Variants in SCHIP1 observed in about 807,000 individuals in gnomAD.
The protein encoded by SCHIP1 is schwannomin interacting protein 1.
Under a neutral mutation model 29.7 loss-of-function variants are expected in SCHIP1, and 8 were observed. The ratio of observed to expected loss-of-function variants is 0.27; its 90% CI spans 0.16 to 0.49. The LOEUF (loss-of-function observed/expected upper bound fraction) is 0.49, where lower values mean the gene tolerates loss of function less well. Among genes scored for constraint, SCHIP1 ranks in the 20% least tolerant of loss-of-function variants. The pLI is 0.99. For missense variants in SCHIP1, 193 were observed against 294.6 expected (o/e 0.66, Z 2.52); for synonymous variants, 76 against 94.9 (o/e 0.80, Z 1.16).
the SCHIP1 span, among the ~76,000 whole-genome samples, chr3:159,735,617 G>T: frequency 2.6e-4 from 40 of 152,262 alleles, 1 homozygote; most frequent in African/African-American, 9.1e-4. Context: ...CACTTTCATT[G>T]TTTAGGTCAC....
chr3:159,394,166 T>C, the SCHIP1 span, among the ~76,000 whole-genome samples: 1 of 149,388 alleles, frequency 6.7e-6, no homozygotes, highest in African/African-American at 2.5e-5. Context: ...ATTGATTTTG[T>C]ATCCTGACAC....
the SCHIP1 span, among the ~76,000 whole-genome samples, chr3:159,596,122 T>A: frequency 2.0e-5 from 3 of 151,970 alleles, no homozygotes; most frequent in East Asian, 5.8e-4. Context: ...AACAACCCCA[T>A]CCAAAAGTGG....
chr3:159,553,627 T>C, the SCHIP1 span, among the ~76,000 whole-genome samples: 43 of 152,330 alleles, frequency 2.8e-4, no homozygotes, highest in Non-Finnish European at 4.7e-4. Context: ...ATCTCATAAA[T>C]AGAAACAGGG....
chr3:159,284,920 A>G, the SCHIP1 span, among the ~76,000 whole-genome samples: 1 of 152,188 alleles, frequency 6.6e-6, no homozygotes, highest in Non-Finnish European at 1.5e-5. Flanking sequence ...GTTCTAATTC[A>G]GTTGTGTTCT....
At chr3:159,514,021 GA>G in the SCHIP1 span, among the ~76,000 whole-genome samples, 7 of 152,168 alleles carry the variant, frequency 4.6e-5, no homozygotes, top group African/African-American at 1.7e-4. Flanking sequence ...TGCAAGACGT[GA>G]AATGAACCTG....
the SCHIP1 span, among the ~76,000 whole-genome samples, chr3:159,326,732 G>A: frequency 2.6e-5 from 4 of 152,148 alleles, no homozygotes; most frequent in African/African-American, 9.7e-5. Context: ...AAGGAGCTGA[G>A]AAACAAGGAG....
the SCHIP1 span, among the ~76,000 whole-genome samples, chr3:159,793,422 A>C: frequency 4.6e-5 from 7 of 152,160 alleles, no homozygotes; most frequent in Non-Finnish European, 1.0e-4. Context: ...TATTAGCTAT[A>C]TATTGTCCCA....
the SCHIP1 span, among the ~76,000 whole-genome samples, chr3:159,522,408 C>A: frequency 3.3e-5 from 5 of 152,242 alleles, no homozygotes; most frequent in East Asian, 9.6e-4. Flanking sequence ...ATTTACATGA[C>A]AAGTAAGAAA....
At chr3:159,323,439 G>T in the SCHIP1 span, among the ~76,000 whole-genome samples, 1 of 151,796 alleles carries the variant, frequency 6.6e-6, no homozygotes, top group South Asian at 2.1e-4. Flanking sequence ...AGAATTTGTG[G>T]GTTTTTTCTA....
chr3:159,468,767 A>ATG, the SCHIP1 span, among the ~76,000 whole-genome samples: 3 of 124,548 alleles, frequency 2.4e-5, no homozygotes, highest in Non-Finnish European at 3.3e-5. Context: ...ATATATATAT[A>ATG]TATATATATA....
the SCHIP1 span, among the ~76,000 whole-genome samples, chr3:159,334,431 A>T: frequency 6.6e-6 from 1 of 152,212 alleles, no homozygotes; most frequent in East Asian, 1.9e-4. Context: ...GTGATTTTTA[A>T]AAATTTAGAT....
the SCHIP1 span, among the ~76,000 whole-genome samples, chr3:159,510,684 A>C: frequency 3.6e-4 from 53 of 147,584 alleles, no homozygotes; most frequent in South Asian, 1.5e-3. Context: ...TTTCCTTCTA[A>C]CAGTCAGGAC....
At chr3:159,345,554 T>TCTCTCTCTCTC in the SCHIP1 span, among the ~76,000 whole-genome samples, 184 of 93,516 alleles carry the variant, frequency 2.0e-3, 1 homozygote, top group South Asian at 6.8e-3. Flanking sequence ...GTGTCTCTCT[T>TCTCTCTCTCTC]TCTCTCTCTC....
chr3:159,712,425 A>T, the SCHIP1 span, among the ~76,000 whole-genome samples: 1 of 152,342 alleles, frequency 6.6e-6, no homozygotes, highest in South Asian at 2.1e-4. Context: ...TGTCAAGAAA[A>T]TGCATCTGTG....
chr3:159,413,447 G>A, the SCHIP1 span, among the ~76,000 whole-genome samples: 1 of 152,058 alleles, frequency 6.6e-6, no homozygotes, highest in Admixed American at 6.6e-5. Flanking sequence ...ATAAGGCATA[G>A]CACTTAATCT....
chr3:159,275,225 G>T, the SCHIP1 span: 5 of 356,514 alleles, frequency 1.4e-5, no homozygotes, highest in Non-Finnish European at 2.0e-5. Flanking sequence ...GTAGATTTAT[G>T]ATTTCAGTTT....
chr3:159,507,578 T>A, the SCHIP1 span, among the ~76,000 whole-genome samples: 100,386 of 151,950 alleles, frequency 0.66, 33,514 homozygotes, highest in East Asian at 0.79. Context: ...GTTTTTGCCC[T>A]TTCAGTATGA....
the SCHIP1 span, chr3:159,386,709 T>G: frequency 6.6e-6 from 1 of 152,054 alleles, no homozygotes; most frequent in African/African-American, 2.4e-5. Context: ...AGAGCATTTT[T>G]TAAAATGGGC....
the SCHIP1 span, among the ~76,000 whole-genome samples, chr3:159,476,111 C>A: frequency 8.3e-6 from 1 of 120,380 alleles, no homozygotes; most frequent in African/African-American, 2.6e-5. Flanking sequence ...GTTGAAGGGC[C>A]AGTCACAGGA....
Sources: gnomAD v4.1 joint callset for allele counts (sites outside exome capture counted in the v4.1 genomes callset) on GRCh38, gnomAD v4.1.1 for gene constraint, MANE v1.5 for transcripts, NCBI Gene and HGNC (gene_info 2026-07-23, HGNC 2026-07-21) for gene names.